Variants in PLCH1 observed in about 807,000 individuals in gnomAD.
PLCH1 encodes the protein 1-phosphatidylinositol 4,5-bisphosphate phosphodiesterase eta-1.
In PLCH1, 60 loss-of-function variants were observed where a neutral mutation model predicts 126.7. The observed-to-expected ratio is 0.47, with a 90% CI of 0.38 to 0.59. The LOEUF (loss-of-function observed/expected upper bound fraction) is 0.59, where lower values mean the gene tolerates loss of function less well. PLCH1 is among the 20% of genes least tolerant of loss of function. The pLI is 0.00. For missense variants in PLCH1, 1,723 were observed against 2,040.0 expected (o/e 0.84, Z 2.99); for synonymous variants, 719 against 734.9 (o/e 0.98, Z 0.35).
chr3:155,543,405 C>T (rs1320450210), intron 10 of PLCH1, among the ~76,000 whole-genome samples: 6 of 152,054 alleles, frequency 3.9e-5, no homozygotes, highest in African/African-American at 9.6e-5. Flanking sequence ...ACCAAATCTA[C>T]GTCTGATTGG....
chr3:155,503,686 C>T (rs1255975927), intron 13 of PLCH1, among the ~76,000 whole-genome samples: 2 of 152,054 alleles, frequency 1.3e-5, no homozygotes, highest in Non-Finnish European at 1.5e-5. Flanking sequence ...TACAGGCACA[C>T]ACCACCACAC....
chr3:155,547,226 G>A (rs1323364730), intron 10 of PLCH1, among the ~76,000 whole-genome samples: 4 of 149,408 alleles, frequency 2.7e-5, no homozygotes, highest in South Asian at 2.1e-4. Context: ...AAAAGTGGGT[G>A]AAGGACATGA....
chr3:155,583,904 A>G (rs1441304729), intron 5 of PLCH1, among the ~76,000 whole-genome samples: 1 of 149,560 alleles, frequency 6.7e-6, no homozygotes, highest in African/African-American at 2.5e-5. Context: ...ATAAATCAAC[A>G]AAGAAACCTT....
chr3:155,454,691 G>C (rs956499810), intron 21 of PLCH1, among the ~76,000 whole-genome samples: 1 of 152,190 alleles, frequency 6.6e-6, no homozygotes, highest in African/African-American at 2.4e-5. Flanking sequence ...CTAGTGTTCA[G>C]GTTCCAGTCA....
chr3:155,633,901 G>A (rs901539117), intron 2 of PLCH1, among the ~76,000 whole-genome samples: 6 of 152,086 alleles, frequency 3.9e-5, no homozygotes, highest in African/African-American at 1.4e-4. Context: ...GCAACAGAGC[G>A]AGACTCTGTC....
chr3:155,572,050 C>A lies in PLCH1; in HGVS notation c.772-3726G>T, dbSNP rs149641038. The stretch of plus-strand genomic sequence containing the variant: ...CTATCACAAATTCTTCCCAATGACT[C>A]TAATGGTCTCTCAAGTTCCACATAA... On this transcript the variant is annotated intron_variant, in intron 6 of 22. Transcript: ENST00000460012. Among the ~76,000 whole-genome samples the A allele has an allele frequency of 3.7e-4, 56 of 152,300 alleles. No individual in the cohort carries two copies. The East Asian group carries it at 0.01, about 28-fold the overall frequency.
At chr3:155,454,395 A>G (rs1712388393) in intron 21 of PLCH1, among the ~76,000 whole-genome samples, 1 of 152,148 alleles carries the variant, frequency 6.6e-6, no homozygotes, top group African/African-American at 2.4e-5. Flanking sequence ...AGGCAGGAGG[A>G]TCATTAGATC....
intron 2 of PLCH1, among the ~76,000 whole-genome samples, chr3:155,661,126 C>G (rs1742085799): frequency 6.6e-6 from 1 of 152,180 alleles, no homozygotes. Context: ...ATTCGGCACT[C>G]TCATATACCA....
At position 155,573,344 on chromosome 3, in the gene PLCH1, G is replaced by C. The variant is rs147450198; in HGVS notation, c.772-5020C>G. 4.2e-3 allele frequency among the ~76,000 whole-genome samples: 638 copies of C among 152,272 alleles called. 1 individual carries two copies. The highest frequency in any genetic ancestry group is 7.1e-3 in the Admixed American group (108 of 15,300). ...ACCCTTGCATTCATTCTCTACTTCT[G>C]TGAAACAAACCACCCCATAACCTAG... On this transcript the variant is annotated intron_variant, in intron 6 of 22. Transcript: ENST00000460012.
chr3:155,523,248 T>C (rs59104349), intron 11 of PLCH1, among the ~76,000 whole-genome samples: 2,028 of 152,098 alleles, frequency 0.013, 46 homozygotes, highest in African/African-American at 0.047. Context: ...AGTGCTGGGA[T>C]TACAGGCGTG....
intron 21 of PLCH1, among the ~76,000 whole-genome samples, chr3:155,454,435 A>T (rs909950634): frequency 1.3e-5 from 2 of 152,124 alleles, no homozygotes; most frequent in Non-Finnish European, 2.9e-5. Context: ...GTGAGCCATG[A>T]TTGTGCCACT....
At chr3:155,733,949 A>ATATATATATATATATATATATG (rs1748960318) in intron 1 of PLCH1, among the ~76,000 whole-genome samples, 4 of 74,196 alleles carry the variant, frequency 5.4e-5, no homozygotes, top group Non-Finnish European at 1.0e-4. Flanking sequence ...ATATATATAT[A>ATATATATATATATATATATATG]TATATATATA....
At chr3:155,638,629 A>G (rs1232215938) in intron 2 of PLCH1, among the ~76,000 whole-genome samples, 1 of 152,242 alleles carries the variant, frequency 6.6e-6, no homozygotes, top group Admixed American at 6.5e-5. Context: ...ACTTCAAGCT[A>G]CTTCCAACTC....
intron 9 of PLCH1, 38 bp downstream of exon 9, chr3:155,554,038 G>A (rs1164132670): frequency 6.2e-7 from 1 of 1,606,634 alleles, no homozygotes; most frequent in Admixed American, 1.7e-5. Flanking sequence ...CTCCATGCGG[G>A]AGGCTACCGC....
intron 2 of PLCH1, among the ~76,000 whole-genome samples, chr3:155,639,285 C>T (rs1739111596): frequency 6.6e-6 from 1 of 151,958 alleles, no homozygotes; most frequent in African/African-American, 2.4e-5. Context: ...ATGGTGAAAC[C>T]TTGTCTCCAC....
intron 2 of PLCH1, among the ~76,000 whole-genome samples, chr3:155,656,102 C>T (rs562903524): frequency 3.9e-4 from 59 of 152,128 alleles, no homozygotes; most frequent in African/African-American, 1.2e-3. Flanking sequence ...GATATACTTT[C>T]CTCCTACTTC....
intron 1 of PLCH1, among the ~76,000 whole-genome samples, chr3:155,720,190 G>A (rs500347): frequency 0.11 from 16,208 of 152,194 alleles, 1,373 homozygotes; most frequent in East Asian, 0.39. Context: ...GTGTGGTCAA[G>A]TATCTTTTTC....
chr3:155,710,024 G>A (rs573470192), intron 1 of PLCH1, among the ~76,000 whole-genome samples: 118 of 152,292 alleles, frequency 7.7e-4, no homozygotes, highest in African/African-American at 2.6e-3. Flanking sequence ...GTCTCACTCC[G>A]TCACCCAGGC....
intron 11 of PLCH1, among the ~76,000 whole-genome samples, chr3:155,520,906 G>T (rs530604811): frequency 6.6e-6 from 1 of 152,302 alleles, no homozygotes; most frequent in South Asian, 2.1e-4. Flanking sequence ...TTAACAGTAT[G>T]GCTTAAACCG....
Sources: allele counts gnomAD v4.1 joint callset (sites outside exome capture counted in the v4.1 genomes callset), GRCh38; gene constraint gnomAD v4.1.1; transcripts MANE v1.5; gene names NCBI Gene and HGNC (gene_info 2026-07-23, HGNC 2026-07-21).